The following MANBA variants were observed in gnomAD, a reference collection of about 807,000 sequenced individuals.
The protein encoded by MANBA is mannosidase beta, also known as beta-mannosidase.
In MANBA, 83 loss-of-function variants were observed where a neutral mutation model predicts 111.1. That is an observed-to-expected ratio of 0.75 (90% CI 0.63 to 0.90). MANBA has a LOEUF of 0.90. MANBA is among the 40% of genes least tolerant of loss of function. MANBA has a pLI of 0.00. For synonymous variants in MANBA, 370 were observed against 378.7 expected (o/e 0.98, Z 0.27); for missense variants, 1,036 against 1,069.0 (o/e 0.97, Z 0.43).
At chr4:102,693,420 G>A (rs1016821748) in intron 5 of MANBA, among the ~76,000 whole-genome samples, 10 of 152,148 alleles carry the variant, frequency 6.6e-5, no homozygotes, top group African/African-American at 2.4e-4. Context: ...TGTTAGGATT[G>A]CAGCCTTATA....
chr4:102,633,706 C>T (rs759646756), intron 16 of MANBA, among the ~76,000 whole-genome samples: 8 of 151,858 alleles, frequency 5.3e-5, no homozygotes, highest in Non-Finnish European at 7.4e-5. Context: ...AGGCCTAACT[C>T]AGGAAAGAAA....
chr4:102,732,679 T>C (rs1258256589), intron 1 of MANBA, among the ~76,000 whole-genome samples: 1 of 152,248 alleles, frequency 6.6e-6, no homozygotes, highest in Non-Finnish European at 1.5e-5. Flanking sequence ...TGGTAAGGTT[T>C]TGTTCTGTTA....
At chr4:102,696,809 T>C (rs548970067) in intron 5 of MANBA, among the ~76,000 whole-genome samples, 44 of 152,300 alleles carry the variant, frequency 2.9e-4, no homozygotes, top group Middle Eastern at 3.4e-3. Flanking sequence ...AAGGTAGTTA[T>C]GTGCATTTAA....
At chr4:102,708,870 T>C (rs1419389060) in intron 5 of MANBA, among the ~76,000 whole-genome samples, 1 of 151,652 alleles carries the variant, frequency 6.6e-6, no homozygotes, top group African/African-American at 2.4e-5. Flanking sequence ...ATACAAAATA[T>C]ATATATGAGA....
intron 1 of MANBA, among the ~76,000 whole-genome samples, chr4:102,754,684 G>A (rs1488728636): frequency 6.6e-6 from 1 of 151,932 alleles, no homozygotes; most frequent in African/African-American, 2.4e-5. Flanking sequence ...AGCCTCCCGA[G>A]TAGCTGGGAC....
At chr4:102,654,202 C>T (rs772828027) in intron 12 of MANBA, among the ~76,000 whole-genome samples, 2 of 152,064 alleles carry the variant, frequency 1.3e-5, no homozygotes, top group Non-Finnish European at 2.9e-5. Flanking sequence ...TCCTTCCTTC[C>T]CATTCTCAAC....
chr4:102,644,764 T>C (rs1257788491), intron 13 of MANBA, among the ~76,000 whole-genome samples: 1 of 152,124 alleles, frequency 6.6e-6, no homozygotes, highest in Non-Finnish European at 1.5e-5. Flanking sequence ...TTTTAAGTGT[T>C]CTCACTACAA....
chr4:102,742,329 A>T (rs1723433469), intron 1 of MANBA, among the ~76,000 whole-genome samples: 1 of 152,188 alleles, frequency 6.6e-6, no homozygotes, highest in South Asian at 2.1e-4. Context: ...AAATTTTGCT[A>T]GTGGATCACT....
chr4:102,672,450 T>C (rs908421057), intron 8 of MANBA, among the ~76,000 whole-genome samples: 3 of 152,230 alleles, frequency 2.0e-5, no homozygotes, highest in South Asian at 2.1e-4. Flanking sequence ...ACATTTTTTT[T>C]CCTAGATCTA....
At chr4:102,642,155 A>G (rs1729905344) in intron 13 of MANBA, among the ~76,000 whole-genome samples, 1 of 152,118 alleles carries the variant, frequency 6.6e-6, no homozygotes, top group African/African-American at 2.4e-5. Flanking sequence ...GAAAATCTCT[A>G]GAACTTCCCC....
In MANBA at chr4:102,690,664, G is replaced by T. The variant is rs1437481110; in HGVS notation, c.781C>A (p.Gln261Lys). The T allele has an allele frequency of 5.6e-6, 9 of 1,612,188 alleles. No individual in the cohort carries two copies. Among genetic ancestry groups the T allele is most frequent in the Non-Finnish European group, 7.6e-6 (9 of 1,178,690 alleles). Residue 261 changes from glutamine to lysine, a missense_variant, in exon 6 of 17, where the codon CAA becomes AAA. By Grantham distance (53) the Gln-to-Lys change is moderately conservative. Coordinates refer to ENST00000647097, the MANE Select transcript of MANBA (RefSeq NM_005908.4). Reference protein sequence around the residue: ...VIVAIPKLQTQQTYSIELQPG... With the variant: ...VIVAIPKLQTKQTYSIELQPG... ...TGAAGTTCAATGCTGTATGTCTGTT[G>T]TGTTTGCAACTTAGGGATGGCTACG...
intron 1 of MANBA, among the ~76,000 whole-genome samples, chr4:102,741,102 G>A (rs948894348): frequency 6.6e-6 from 1 of 151,910 alleles, no homozygotes; most frequent in Non-Finnish European, 1.5e-5. Flanking sequence ...AAATTAGCAA[G>A]AAAAATCAAA....
chr4:102,650,598 A>T lies in MANBA; in HGVS notation c.1808T>A (p.Phe603Tyr). Residue 603 changes from phenylalanine to tyrosine, a missense_variant, in exon 13 of 17, where the codon TTC (phenylalanine) becomes TAC (tyrosine). Transcript: ENST00000647097. ...KQMLYQAGLH[F>Y]KLPQSTDPLR... ...TGGATCTGTGCTTTGGGGGAGTTTG[A>T]AATGAAGTCCAGCCTGATAAAGCAT... 1 of 1,613,530 alleles carries T rather than the reference A, an allele frequency of 6.2e-7. No homozygotes were observed. The highest frequency in any genetic ancestry group is 8.5e-7 in the Non-Finnish European group (1 of 1,179,482).
chr4:102,688,359 A>T (rs1420064772), intron 7 of MANBA, among the ~76,000 whole-genome samples: 1 of 142,210 alleles, frequency 7.0e-6, no homozygotes, highest in Non-Finnish European at 1.5e-5. Context: ...ACACATACAC[A>T]CTCTTTCTCT....
chr4:102,666,688 G>A (rs1187849813), intron 10 of MANBA: 1 of 152,210 alleles, frequency 6.6e-6, no homozygotes, highest in Non-Finnish European at 1.5e-5. Flanking sequence ...TTACCCAGAG[G>A]TCAAGAAGCC....
intron 5 of MANBA, among the ~76,000 whole-genome samples, chr4:102,699,871 A>C (rs1732932847): frequency 6.6e-6 from 1 of 150,868 alleles, no homozygotes; most frequent in Non-Finnish European, 1.5e-5. Flanking sequence ...TGCTGGCCTC[A>C]TAAAATGAGT....
At chr4:102,722,691 A>T (rs1365325868) in intron 4 of MANBA, 180 bp downstream of exon 4, 1 of 659,696 alleles carries the variant, frequency 1.5e-6, no homozygotes, top group Non-Finnish European at 2.6e-6. Flanking sequence ...AAAGATAAAG[A>T]TTCTCCACAA....
chr4:102,711,102 T>C (rs938851942), intron 5 of MANBA, among the ~76,000 whole-genome samples: 5 of 152,042 alleles, frequency 3.3e-5, no homozygotes, highest in African/African-American at 1.2e-4. Context: ...ATAACAAACA[T>C]AAACATAGAC....
chr4:102,649,846 T>C (rs1170612498), intron 13 of MANBA, among the ~76,000 whole-genome samples: 7 of 152,220 alleles, frequency 4.6e-5, no homozygotes, highest in African/African-American at 1.4e-4. Context: ...CCATGTTTTC[T>C]CGAAGCTTTA....
Sources: allele counts gnomAD v4.1 joint callset (sites outside exome capture counted in the v4.1 genomes callset), GRCh38; gene constraint gnomAD v4.1.1; transcripts MANE v1.5; gene names NCBI Gene and HGNC (gene_info 2026-07-23, HGNC 2026-07-21).